The following FRMD4A variants were observed in gnomAD, a reference collection of about 807,000 sequenced individuals.
FRMD4A encodes FERM domain containing 4A.
FRMD4A carries 29 observed loss-of-function variants against 129.1 expected under a neutral mutation model. That is an observed-to-expected ratio of 0.22 (90% CI 0.17 to 0.31). The LOEUF (loss-of-function observed/expected upper bound fraction) is 0.31, where lower values mean the gene tolerates loss of function less well. Among genes scored for constraint, FRMD4A ranks in the 10% least tolerant of loss-of-function variants. The pLI is 1.00. For synonymous variants in FRMD4A, 634 were observed against 571.6 expected (o/e 1.11, Z -1.56); for missense variants, 1,272 against 1,375.8 (o/e 0.92, Z 1.19).
chr10:13,713,995 T>TATACACATATAAA (rs1564672299), intron 12 of FRMD4A, among the ~76,000 whole-genome samples: 2 of 71,298 alleles, frequency 2.8e-5, no homozygotes, highest in Non-Finnish European at 5.3e-5. Flanking sequence ...ACATATATAA[T>TATACACATATAAA]ATACATATAT....
chr10:13,904,174 A>G (rs1460977704), intron 2 of FRMD4A, among the ~76,000 whole-genome samples: 1 of 152,172 alleles, frequency 6.6e-6, no homozygotes, highest in African/African-American at 2.4e-5. Context: ...CCTACAGTCC[A>G]GTTGAAAATA....
chr10:13,874,816 T>C (rs2094473173), intron 2 of FRMD4A, among the ~76,000 whole-genome samples: 2 of 152,244 alleles, frequency 1.3e-5, no homozygotes, highest in South Asian at 2.1e-4. Context: ...GCTTATAGCA[T>C]CTTTATTATG....
chr10:13,894,499 G>A (rs1014708949), intron 2 of FRMD4A, among the ~76,000 whole-genome samples: 4 of 152,140 alleles, frequency 2.6e-5, no homozygotes, highest in African/African-American at 9.7e-5. Context: ...TCACGCATCC[G>A]CGGATCACCC....
At chr10:14,158,825 GGAGGAGGAGAAA>G (rs1840733170) in intron 2 of FRMD4A, among the ~76,000 whole-genome samples, 1 of 131,898 alleles carries the variant, frequency 7.6e-6, no homozygotes, top group Non-Finnish European at 1.6e-5. Context: ...GGAAGAAGAG[GGAGGAGGAGAAA>G]GAGGAGGAGG....
chr10:14,137,788 A>G (rs576783516), intron 2 of FRMD4A, among the ~76,000 whole-genome samples: 22 of 152,036 alleles, frequency 1.4e-4, no homozygotes, highest in African/African-American at 7.3e-5. Context: ...TTTGCTACGC[A>G]CTAATTTAAT....
intron 2 of FRMD4A, among the ~76,000 whole-genome samples, chr10:14,104,189 C>T (rs74122478): frequency 0.038 from 5,783 of 151,968 alleles, 383 homozygotes; most frequent in African/African-American, 0.13. Context: ...ACACTGCCAT[C>T]GACATTACAG....
At chr10:14,133,033 T>C (rs1839344273) in intron 2 of FRMD4A, among the ~76,000 whole-genome samples, 1 of 152,200 alleles carries the variant, frequency 6.6e-6, no homozygotes, top group Admixed American at 6.5e-5. Context: ...ATAAGGATAA[T>C]ATCAGTGAAG....
intron 5 of FRMD4A, among the ~76,000 whole-genome samples, chr10:13,796,237 A>G (rs1290382987): frequency 6.6e-6 from 1 of 152,226 alleles, no homozygotes; most frequent in Non-Finnish European, 1.5e-5. Context: ...AAAGTGCAGA[A>G]AAAAGTTTTT....
At chr10:14,057,587 C>T (rs899471582) in intron 2 of FRMD4A, among the ~76,000 whole-genome samples, 7 of 124,388 alleles carry the variant, frequency 5.6e-5, no homozygotes, top group South Asian at 5.1e-4. Flanking sequence ...TTTTTTTTTT[C>T]GAGATGGAGA....
At chr10:14,113,928 G>A (rs1245147703) in intron 2 of FRMD4A, among the ~76,000 whole-genome samples, 1 of 152,114 alleles carries the variant, frequency 6.6e-6, no homozygotes, top group Non-Finnish European at 1.5e-5. Context: ...CTGCTGCTCT[G>A]CATCCCACCT....
chr10:14,205,937 G>A (rs747676350), intron 2 of FRMD4A, among the ~76,000 whole-genome samples: 4 of 151,724 alleles, frequency 2.6e-5, no homozygotes, highest in South Asian at 2.1e-4. Context: ...TCCCCTTCTC[G>A]TCGTGGTATG....
intron 5 of FRMD4A, among the ~76,000 whole-genome samples, chr10:13,787,487 G>C (rs1214830391): frequency 1.3e-5 from 2 of 151,982 alleles, no homozygotes; most frequent in Non-Finnish European, 2.9e-5. Flanking sequence ...TTTGAGATGG[G>C]GTCTTGCTCT....
At chr10:14,185,545 C>A (rs565189752) in intron 2 of FRMD4A, among the ~76,000 whole-genome samples, 2 of 152,106 alleles carry the variant, frequency 1.3e-5, no homozygotes, top group African/African-American at 2.4e-5. Flanking sequence ...AAACTTGAAA[C>A]ATAAAGCAAG....
intron 15 of FRMD4A, among the ~76,000 whole-genome samples, chr10:13,677,230 C>A (rs556342761): frequency 6.6e-6 from 1 of 152,204 alleles, no homozygotes; most frequent in East Asian, 1.9e-4. Context: ...TTGTTCTTTC[C>A]CTTGCCTCAA....
At chr10:14,210,603 G>T (rs1842908184) in intron 2 of FRMD4A, among the ~76,000 whole-genome samples, 1 of 152,182 alleles carries the variant, frequency 6.6e-6, no homozygotes, top group South Asian at 2.1e-4. Flanking sequence ...CCAGGAGTAG[G>T]TGCTAAAGAC....
At chr10:13,854,926 C>T (rs535909737) in intron 3 of FRMD4A, among the ~76,000 whole-genome samples, 31 of 152,250 alleles carry the variant, frequency 2.0e-4, no homozygotes, top group African/African-American at 6.3e-4. Context: ...AGTGGAATTT[C>T]AGGACTTAAG....
At chr10:13,938,497 C>A (rs1056342274) in intron 2 of FRMD4A, among the ~76,000 whole-genome samples, 2 of 152,200 alleles carry the variant, frequency 1.3e-5, no homozygotes, top group African/African-American at 2.4e-5. Flanking sequence ...TCCACCTCAA[C>A]CTCCTAAAGT....
intron 2 of FRMD4A, among the ~76,000 whole-genome samples, chr10:13,885,113 A>G (rs2094603401): frequency 6.6e-6 from 1 of 152,220 alleles, no homozygotes; most frequent in Non-Finnish European, 1.5e-5. Flanking sequence ...TGCCTAATGC[A>G]GTAGCTCATG....
chr10:13,728,470 C>T (rs1444524720), intron 12 of FRMD4A, among the ~76,000 whole-genome samples: 1 of 151,866 alleles, frequency 6.6e-6, no homozygotes, highest in Non-Finnish European at 1.5e-5. Context: ...GACTTTCCCC[C>T]ATGAATACTC....
Sources: allele counts gnomAD v4.1 joint callset (sites outside exome capture counted in the v4.1 genomes callset), GRCh38; gene constraint gnomAD v4.1.1; transcripts MANE v1.5; gene names NCBI Gene and HGNC (gene_info 2026-07-23, HGNC 2026-07-21).